The following NCOA2 variants were observed in gnomAD, a reference collection of about 807,000 sequenced individuals.
NCOA2 encodes nuclear receptor coactivator 2.
In NCOA2, 21 loss-of-function variants were observed where a neutral mutation model predicts 145.1. The observed-to-expected ratio is 0.14, with a 90% confidence interval of 0.10 to 0.21. NCOA2 has a LOEUF of 0.21. Among genes scored for constraint, NCOA2 ranks in the 10% least tolerant of loss-of-function variants. NCOA2 has a pLI of 1.00. For missense variants in NCOA2, 1,472 were observed against 1,837.6 expected, an observed-to-expected ratio of 0.80 and a Z score of 3.64; for synonymous variants, 619 against 637.5, an observed-to-expected ratio of 0.97 and a Z score of 0.44.
intron 4 of NCOA2, among the ~76,000 whole-genome samples, chr8:70,177,922 A>G (rs1232250894): frequency 2.0e-5 from 3 of 152,216 alleles, no homozygotes; most frequent in African/African-American, 7.2e-5. Context: ...CTAATGTTGC[A>G]TTTTTGGGCA....
chr8:70,449,350 C>T, the NCOA2 span, among the ~76,000 whole-genome samples: 1 of 152,184 alleles, frequency 6.6e-6, no homozygotes, highest in African/African-American at 2.4e-5. Context: ...ATATCAGTTA[C>T]AGTCCCAAGA....
chr8:70,243,589 T>G (rs1027824407), intron 2 of NCOA2, among the ~76,000 whole-genome samples: 34 of 151,986 alleles, frequency 2.2e-4, no homozygotes, highest in African/African-American at 7.2e-4. Context: ...GGTAACAAAA[T>G]AAGATTTAAA....
chr8:70,317,724 T>C (rs544113423), intron 1 of NCOA2, among the ~76,000 whole-genome samples: 1 of 152,246 alleles, frequency 6.6e-6, no homozygotes, highest in African/African-American at 2.4e-5. Context: ...GGAGTCCTAA[T>C]TCAGGCCAAC....
At chr8:70,125,639 T>A (rs1232451823) in intron 19 of NCOA2, among the ~76,000 whole-genome samples, 1 of 152,234 alleles carries the variant, frequency 6.6e-6, no homozygotes, top group Non-Finnish European at 1.5e-5. Context: ...TATATTAAAT[T>A]AGCTGAAGCC....
intron 1 of NCOA2, among the ~76,000 whole-genome samples, chr8:70,369,335 G>A (rs1442640034): frequency 6.6e-6 from 1 of 152,212 alleles, no homozygotes; most frequent in African/African-American, 2.4e-5. Context: ...CCAATGTAAA[G>A]TGAATAAATA....
At chr8:70,172,170 C>A (rs560517623) in intron 5 of NCOA2, among the ~76,000 whole-genome samples, 8 of 152,128 alleles carry the variant, frequency 5.3e-5, no homozygotes, top group South Asian at 2.1e-4. Context: ...GCTGCCCAGG[C>A]TGGTCTCAAA....
intron 4 of NCOA2, among the ~76,000 whole-genome samples, chr8:70,198,488 G>C (rs1817573151): frequency 6.6e-6 from 1 of 152,200 alleles, no homozygotes; most frequent in Non-Finnish European, 1.5e-5. Context: ...AGACTCACTG[G>C]AGGCTCAGGA....
intron 2 of NCOA2, among the ~76,000 whole-genome samples, chr8:70,265,713 C>T (rs1049066962): frequency 4.6e-5 from 7 of 152,220 alleles, no homozygotes; most frequent in African/African-American, 4.8e-5. Flanking sequence ...TCTGAACCAA[C>T]GCATAGCCTC....
chr8:70,203,227 C>T (rs558542674), intron 4 of NCOA2, among the ~76,000 whole-genome samples: 3 of 136,620 alleles, frequency 2.2e-5, no homozygotes, highest in Non-Finnish European at 4.6e-5. Flanking sequence ...CGCACCACTG[C>T]ACTCCAGGCT....
rs1000253534 is a variant in NCOA2 at position 70,273,566 on chromosome 8, G to C, written c.-20+23178C>G. 5.3e-6 allele frequency: 4 copies of C among 755,182 alleles called. No homozygotes were observed. In the East Asian group the frequency reaches 1.2e-4, roughly 22 times the overall value. 46.8% of individuals were successfully genotyped at this position (755,182 alleles called of 1,614,324 possible). The stretch of plus-strand genomic sequence containing the variant: ...GAATATGTTTACAAACCAAGCAACA[G>C]TGATCCACTTTAACAACCCTAAAGC... On this transcript the variant is annotated intron_variant, in intron 2 of 22. Transcript: ENST00000452400.
chr8:70,298,628 T>C (rs1376461892), intron 1 of NCOA2, among the ~76,000 whole-genome samples: 4 of 152,194 alleles, frequency 2.6e-5, no homozygotes, highest in African/African-American at 9.7e-5. Flanking sequence ...GGACATCATA[T>C]TATGCAACAA....
intron 16 of NCOA2, among the ~76,000 whole-genome samples, chr8:70,130,135 A>G (rs1808924631): frequency 6.6e-6 from 1 of 152,232 alleles, no homozygotes; most frequent in African/African-American, 2.4e-5. Context: ...AAACACAGGG[A>G]TGGAGCCTAA....
At chr8:70,133,948 G>A (rs16936749) in intron 15 of NCOA2, among the ~76,000 whole-genome samples, 16,256 of 152,130 alleles carry the variant, frequency 0.11, 1,324 homozygotes, top group East Asian at 0.41. Context: ...TTGAGGCCAC[G>A]CGTCACCTGC....
At chr8:70,124,625 A>C in intron 20 of NCOA2, 63 bp downstream of exon 20, 1 of 1,471,222 alleles carries the variant, frequency 6.8e-7, no homozygotes, top group Non-Finnish European at 9.1e-7. Context: ...GCAGGCATGA[A>C]GGTGGGGGAT....
At chr8:70,262,725 C>T (rs1464557153) in intron 2 of NCOA2, among the ~76,000 whole-genome samples, 2 of 152,140 alleles carry the variant, frequency 1.3e-5, no homozygotes, top group Non-Finnish European at 1.5e-5. Flanking sequence ...GAGAAGGCTG[C>T]TATAATTTCA....
intron 1 of NCOA2, among the ~76,000 whole-genome samples, chr8:70,309,500 A>G (rs1230730094): frequency 1.3e-5 from 2 of 152,196 alleles, no homozygotes; most frequent in African/African-American, 4.8e-5. Context: ...ATTTATATAC[A>G]AGGGATATAT....
chr8:70,185,778 T>C (rs1037742566), intron 4 of NCOA2, among the ~76,000 whole-genome samples: 1 of 152,174 alleles, frequency 6.6e-6, no homozygotes, highest in African/African-American at 2.4e-5. Context: ...AAAAACTAGG[T>C]AATTTCTAAG....
the NCOA2 span, among the ~76,000 whole-genome samples, chr8:70,451,231 A>ATATATAT: frequency 1.0e-5 from 1 of 99,188 alleles, no homozygotes; most frequent in African/African-American, 4.0e-5. Context: ...AAAAAAAAAA[A>ATATATAT]AAAAAAATAT....
intron 4 of NCOA2, among the ~76,000 whole-genome samples, chr8:70,194,508 G>C (rs1817057701): frequency 6.6e-6 from 1 of 152,132 alleles, no homozygotes; most frequent in Non-Finnish European, 1.5e-5. Flanking sequence ...CAGATCTTAT[G>C]ATGGACAACA....
Sources: gnomAD v4.1 joint callset for allele counts (sites outside exome capture counted in the v4.1 genomes callset) on GRCh38, gnomAD v4.1.1 for gene constraint, MANE v1.5 for transcripts, NCBI Gene and HGNC (gene_info 2026-07-23, HGNC 2026-07-21) for gene names.